EMC2: variants seen among roughly 807,000 people sequenced by gnomAD.
EMC2 encodes TPR repeat protein 35.
EMC2 carries 37 observed loss-of-function variants against 51.6 expected under a neutral mutation model. The ratio of observed to expected loss-of-function variants is 0.72; its 90% CI spans 0.55 to 0.94. The LOEUF (loss-of-function observed/expected upper bound fraction) is 0.94. Ranked by LOEUF, EMC2 falls within the 40% of genes least tolerant of loss-of-function variation. EMC2 has a pLI of 0.00. For synonymous variants in EMC2, 131 were observed against 112.4 expected (o/e 1.17, Z -1.04); for missense variants, 359 against 350.9 (o/e 1.02, Z -0.18).
At chr8:108,484,353 G>A (rs1272800517) in intron 10 of EMC2, among the ~76,000 whole-genome samples, 1 of 152,064 alleles carries the variant, frequency 6.6e-6, no homozygotes, top group African/African-American at 2.4e-5. Context: ...GATTAAATTT[G>A]AAGTGATAGA....
intron 10 of EMC2, among the ~76,000 whole-genome samples, chr8:108,482,161 T>C (rs935257118): frequency 6.6e-6 from 1 of 152,192 alleles, no homozygotes; most frequent in African/African-American, 2.4e-5. Context: ...CAACACATGG[T>C]TCTGTCAGTC....
chr8:108,465,935 A>G (rs1473618595), intron 5 of EMC2, among the ~76,000 whole-genome samples: 1 of 152,230 alleles, frequency 6.6e-6, no homozygotes, highest in Non-Finnish European at 1.5e-5. Context: ...GAGTATAAAT[A>G]TGAGGAAAAT....
chr8:108,475,826 C>G, intron 7 of EMC2, 56 bp from the exon 8 acceptor site: 1 of 966,566 alleles, frequency 1.0e-6, no homozygotes, highest in Non-Finnish European at 1.6e-6. Flanking sequence ...CAAGGTTTAA[C>G]TAAGATAAAA....
Position 108,445,967 on chromosome 8 carries a change from A to C in EMC2, c.40+2269A>C, listed in dbSNP as rs546353862. ...TAGCTTGAAAATGACCTTTTTAGAGAAGCCTTCTCTGACCACCCTTTCCAA... is the reference window on the plus strand; with the variant it reads ...TAGCTTGAAAATGACCTTTTTAGAGCAGCCTTCTCTGACCACCCTTTCCAA... On this transcript the variant is annotated intron_variant, in intron 1 of 10. Coordinates refer to ENST00000220853, the MANE Select transcript of EMC2 (RefSeq NM_014673.5). Among the ~76,000 whole-genome samples the C allele has an allele frequency of 3.9e-5, 6 of 152,252 alleles. No homozygotes were observed. The South Asian group carries it at 1.2e-3, about 32-fold the overall frequency.
intron 1 of EMC2, among the ~76,000 whole-genome samples, chr8:108,448,248 A>G (rs1191398585): frequency 6.6e-6 from 1 of 152,192 alleles, no homozygotes; most frequent in East Asian, 1.9e-4. Flanking sequence ...ATTGGAAACT[A>G]AGTACAGATT....
In EMC2 at chr8:108,479,082, C is replaced by A; in HGVS notation, c.779C>A (p.Ala260Glu). 2 of 1,580,280 alleles carry A rather than the reference C, an allele frequency of 1.3e-6. No individual in the cohort carries two copies. Among genetic ancestry groups the A allele is most frequent in the Non-Finnish European group, 1.7e-6 (2 of 1,162,200 alleles). Residue 260 changes from alanine (A) to glutamate (E), a missense_variant, in exon 10 of 11, where the codon GCA becomes GAA. Coordinates refer to ENST00000220853, the MANE Select transcript of EMC2 (RefSeq NM_014673.5). Reference sequence around the variant, plus strand: ...GACAACATGAAATATGCTAGTTGGGCAGCTAGTCAAATAAACAGAGCTTAT... The same window carrying A: ...GACAACATGAAATATGCTAGTTGGGAAGCTAGTCAAATAAACAGAGCTTAT... The part of the protein sequence containing the change: ...KKDNMKYASW[A>E]ASQINRAYQF...
rs376985179 is a variant in EMC2, at chr8:108,489,029, C to G, written c.*2431C>G. ...CAGCTGCCATCAAACAACCATGAAA[C>G]AGCAAATGTGAGAATGAAAGTTACA... On this transcript the variant is annotated 3_prime_UTR_variant, in exon 11 of 11. Coordinates refer to ENST00000220853, the MANE Select transcript of EMC2 (RefSeq NM_014673.5). Among the ~76,000 whole-genome samples, 7 of 152,252 alleles carry G rather than the reference C, an allele frequency of 4.6e-5. No homozygotes were observed. The highest frequency in any genetic ancestry group is 1.4e-4 in the African/African-American group (6 of 41,558).
intron 5 of EMC2, among the ~76,000 whole-genome samples, chr8:108,465,516 A>G (rs1819445607): frequency 6.6e-6 from 1 of 152,266 alleles, no homozygotes; most frequent in African/African-American, 2.4e-5. Context: ...TGAAGAAAAT[A>G]GAATAGGATC....
intron 10 of EMC2, among the ~76,000 whole-genome samples, chr8:108,484,532 G>A (rs984289270): frequency 6.6e-6 from 1 of 151,834 alleles, no homozygotes; most frequent in Non-Finnish European, 1.5e-5. Flanking sequence ...TATAAACCAA[G>A]AAAAATACTG....
At chr8:108,472,521 T>A (rs1439847117) in intron 7 of EMC2, among the ~76,000 whole-genome samples, 1 of 151,534 alleles carries the variant, frequency 6.6e-6, no homozygotes, top group Non-Finnish European at 1.5e-5. Flanking sequence ...TAAAGCTAGT[T>A]AGTTACAAAA....
chr8:108,471,398 C>T (rs1810853173), intron 7 of EMC2, among the ~76,000 whole-genome samples: 1 of 151,444 alleles, frequency 6.6e-6, no homozygotes, highest in South Asian at 2.1e-4. Context: ...TTCAAATCAA[C>T]AAGGAAATTT....
At chr8:108,484,075 T>G (rs1811092913) in intron 10 of EMC2, among the ~76,000 whole-genome samples, 1 of 152,136 alleles carries the variant, frequency 6.6e-6, no homozygotes, top group Non-Finnish European at 1.5e-5. Flanking sequence ...TGGTTTAGCA[T>G]GTTCAGTAGA....
intron 10 of EMC2, among the ~76,000 whole-genome samples, chr8:108,486,057 A>T (rs1340724677): frequency 6.6e-6 from 1 of 151,844 alleles, no homozygotes; most frequent in African/African-American, 2.4e-5. Flanking sequence ...TGCAACTTTA[A>T]AATGTTTAGT....
At position 108,453,268 on chromosome 8, in the gene EMC2, T is replaced by G. The variant is rs112018543; in HGVS notation, c.305+121T>G. The G allele has an allele frequency of 2.7e-3, 1,235 of 463,322 alleles. 14 individuals carry two copies. Among genetic ancestry groups the G allele is most frequent in the African/African-American group, 0.022 (1,077 of 49,532 alleles). The allele number at this position is 463,322 out of a possible 1,614,324, so 28.7% of individuals were successfully genotyped here. Reference sequence around the variant, plus strand: ...ATACTGTCTCAATATGGCTTTAATTTACATTTTTTGATGACTAATGAGGTT... The same window carrying G: ...ATACTGTCTCAATATGGCTTTAATTGACATTTTTTGATGACTAATGAGGTT... On this transcript the variant is annotated intron_variant, in intron 4 of 10. Transcript: ENST00000220853.
At chr8:108,448,148 A>G (rs534651092) in intron 1 of EMC2, among the ~76,000 whole-genome samples, 14 of 152,250 alleles carry the variant, frequency 9.2e-5, no homozygotes, top group Admixed American at 2.6e-4. Flanking sequence ...TATCCAAACT[A>G]TTGTACGAAC....
At chr8:108,446,344 G>A (rs1818877652) in intron 1 of EMC2, 1 of 394,982 alleles carries the variant, frequency 2.5e-6, no homozygotes. Context: ...TTGTAATGAA[G>A]TAAATCTTTA....
rs756130562 is a variant in EMC2, at chr8:108,462,213, T to TTGTGTGCGTGTGTGTGTGTGTG, written c.363+6300_363+6301insGTGTGTGTGTGCGTGTGTGTGT. ...GTGTTTGTGTGCATGTGTGTGTGTTTTGTGTGCGTGTGTGTGTATTCCTCT... is the reference window on the plus strand; with the variant it reads ...GTGTTTGTGTGCATGTGTGTGTGTTTTGTGTGCGTGTGTGTGTGTGTGTGTGTGCGTGTGTGTGTATTCCTCT... On this transcript the variant is annotated intron_variant, in intron 5 of 10. Coordinates refer to ENST00000220853, the MANE Select transcript of EMC2 (RefSeq NM_014673.5). 2.7e-3 allele frequency among the ~76,000 whole-genome samples: 331 copies of TTGTGTGCGTGTGTGTGTGTGTG among 122,554 alleles called. 2 individuals carry two copies. Among genetic ancestry groups the TTGTGTGCGTGTGTGTGTGTGTG allele is most frequent in the South Asian group, 5.3e-3 (20 of 3,772 alleles). The allele number at this position is 122,554 out of a possible 152,430, so 80.4% of individuals were successfully genotyped here.
At chr8:108,448,075 G>A (rs7822449) in intron 1 of EMC2, among the ~76,000 whole-genome samples, 103,799 of 151,754 alleles carry the variant, frequency 0.68, 36,057 homozygotes, top group African/African-American at 0.81. Flanking sequence ...AGTGGTGCCT[G>A]TGAAGAACTG....
intron 1 of EMC2, 78 bp downstream of exon 1, chr8:108,443,776 A>T (rs1298901789): frequency 7.6e-7 from 1 of 1,309,306 alleles, no homozygotes; most frequent in Non-Finnish European, 1.1e-6. Context: ...GCTTTCGGGG[A>T]GCTGGGTTCT....
Sources: allele counts gnomAD v4.1 joint callset (sites outside exome capture counted in the v4.1 genomes callset), GRCh38; gene constraint gnomAD v4.1.1; transcripts MANE v1.5; gene names NCBI Gene and HGNC (gene_info 2026-07-23, HGNC 2026-07-21).